TRIM39: variants seen among roughly 807,000 people sequenced by gnomAD.
The protein encoded by TRIM39 is tripartite motif containing 39.
A neutral mutation model predicts 53.6 loss-of-function variants in TRIM39; 5 were observed. That is an observed-to-expected ratio of 0.09 (90% CI 0.05 to 0.20). The LOEUF (loss-of-function observed/expected upper bound fraction) is 0.20. Ranked by LOEUF, TRIM39 falls within the 10% of genes least tolerant of loss-of-function variation. The pLI, the probability that TRIM39 is intolerant of heterozygous loss-of-function variation, is 1.00. For missense variants in TRIM39, 310 were observed against 621.0 expected, an observed-to-expected ratio of 0.50 and a Z score of 5.32; for synonymous variants, 196 against 237.6, an observed-to-expected ratio of 0.82 and a Z score of 1.61.
Position 30,342,369 on chromosome 6 carries a change from A to G in TRIM39, c.*110A>G, listed in dbSNP as rs750284859. ...GTCCACCTGGGTCCAGTCCTGAATC[A>G]TCTTGGAGAAACACCTTGGTTTCTA... On this transcript the variant is annotated 3_prime_UTR_variant, in exon 8 of 8. Transcript: ENST00000396551. This position sits in a 1 kb window ranked among gnomAD's most constrained non-coding sequence, Gnocchi z 4.7. 8.5e-7 allele frequency: 1 copy of G among 1,177,258 alleles called. No individual in the cohort carries two copies. Among genetic ancestry groups the G allele is most frequent in the Non-Finnish European group, 1.2e-6 (1 of 826,728 alleles). 72.9% of individuals were successfully genotyped at this position (1,177,258 alleles called of 1,614,324 possible).
Position 30,335,678 on chromosome 6 carries a change from G to T in TRIM39, c.550-67G>T. On this transcript the variant is annotated intron_variant, in intron 4 of 7. Coordinates refer to ENST00000396551, the Ensembl canonical transcript of TRIM39. This position sits in a 1 kb window ranked among gnomAD's most constrained non-coding sequence, Gnocchi z 4.7. ...GTCTGTGTTAATTCATACATATGGT[G>T]GGTGAGAGAAAGGCTTCCTTATACC... The T allele has an allele frequency of 6.5e-7, 1 of 1,536,466 alleles. No individual in the cohort carries two copies. Among genetic ancestry groups the T allele is most frequent in the East Asian group, 2.3e-5 (1 of 42,882 alleles).
rs1169278158 is a variant in TRIM39 at position 30,335,074 on chromosome 6, A to G, written c.550-671A>G. Among the ~76,000 whole-genome samples the G allele has an allele frequency of 6.6e-6, 1 of 152,132 alleles. No individual in the cohort carries two copies. Among genetic ancestry groups the G allele is most frequent in the East Asian group, 1.9e-4 (1 of 5,198 alleles). ...AATTAACTAGAACTTTACAGTTGAT[A>G]ATAACACAGATATCTCTGATATCTG... On this transcript the variant is annotated intron_variant, in intron 4 of 7. Transcript: ENST00000396551. The surrounding 1 kb of genome is among the most constrained non-coding windows in gnomAD (Gnocchi z 4.7).
chr6:30,338,196 CT>C lies in TRIM39; in HGVS notation c.781-1708del. ...CATTCATGTGTTCACTGGAGTAGCA[CT>C]TTTAATTTTCTTCAATAACTTTTCC... On this transcript the variant is annotated intron_variant, in intron 5 of 7. Transcript: ENST00000396551. The surrounding 1 kb of genome is among the most constrained non-coding windows in gnomAD (Gnocchi z 4.0). Among the ~76,000 whole-genome samples, 1 of 151,412 alleles carries C rather than the reference CT, an allele frequency of 6.6e-6. No homozygotes were observed. Among genetic ancestry groups the C allele is most frequent in the African/African-American group, 2.4e-5 (1 of 41,204 alleles).
chr6:30,341,014 C>A (rs918738486), intron 7 of TRIM39, among the ~76,000 whole-genome samples: 1 of 152,080 alleles, frequency 6.6e-6, no homozygotes, highest in Non-Finnish European at 1.5e-5. Context: ...TCGACATCAG[C>A]CTGGCCAACA....
chr6:30,335,795 T>G lies in TRIM39; in HGVS notation c.600T>G (p.Leu200=), dbSNP rs537592730. The G allele has an allele frequency of 1.4e-5, 23 of 1,612,900 alleles. No individual in the cohort carries two copies. In the Admixed American group the frequency reaches 1.8e-4, roughly 13 times the overall value. ...AGATCTTGAGGGAGTTTGAAGAGCT[T>G]CATAGGCGGCTGGATGAAGAGCAGC... Residue 200 remains leucine (L), a synonymous_variant, in exon 5 of 8, where the codon CTT becomes CTG. Coordinates refer to ENST00000396551, the Ensembl canonical transcript of TRIM39. This position sits in a 1 kb window ranked among gnomAD's most constrained non-coding sequence, Gnocchi z 4.7.
chr6:30,340,097 A>G (rs1005738063), intron 6 of TRIM39, among the ~76,000 whole-genome samples, 167 bp downstream of exon 6: 3 of 152,150 alleles, frequency 2.0e-5, no homozygotes, highest in African/African-American at 7.2e-5. Flanking sequence ...AGAACAAATT[A>G]TTGGGAATAA....
At position 30,340,248 on chromosome 6, in the gene TRIM39, A is replaced by G. The variant is rs1206602989; in HGVS notation, c.804-257A>G. Reference sequence around the variant, plus strand: ...AGGGGTTGGGAGAGCAGGGAGGGCAATCATCCATTTGCATGAAATACAGGA... The same window carrying G: ...AGGGGTTGGGAGAGCAGGGAGGGCAGTCATCCATTTGCATGAAATACAGGA... On this transcript the variant is annotated intron_variant, in intron 6 of 7. Transcript: ENST00000396551. The G allele has an allele frequency of 3.1e-6, 5 of 1,601,324 alleles. No individual in the cohort carries two copies. The South Asian group carries it at 3.3e-5, about 11-fold the overall frequency.
rs1469752077 is a variant in TRIM39, at chr6:30,342,808, A to G, written c.*549A>G. The G allele has an allele frequency of 6.4e-6, 1 of 155,206 alleles. No individual in the cohort carries two copies. Among genetic ancestry groups the G allele is most frequent in the Non-Finnish European group, 1.4e-5 (1 of 70,108 alleles). 9.6% of individuals were successfully genotyped at this position (155,206 alleles called of 1,614,324 possible). On this transcript the variant is annotated 3_prime_UTR_variant, in exon 8 of 8. Transcript: ENST00000396551. The surrounding 1 kb of genome is among the most constrained non-coding windows in gnomAD (Gnocchi z 4.7). ...TCAACAAGGCTAGAAGGGTCAGGGA[A>G]GTGGGCTAAAGGAACAGATTCCTAG...
chr6:30,340,188 G>A, intron 6 of TRIM39: 3 of 1,248,054 alleles, frequency 2.4e-6, no homozygotes, highest in Non-Finnish European at 3.5e-6. Flanking sequence ...TTGTGCCAGT[G>A]GGTGGAATTG....
At chr6:30,332,324 G>C (rs1415942961) in intron 4 of TRIM39, among the ~76,000 whole-genome samples, 1 of 152,156 alleles carries the variant, frequency 6.6e-6, no homozygotes, top group African/African-American at 2.4e-5. Context: ...ATAAGTAATG[G>C]CACAAAATGC....
chr6:30,329,905 A>G (rs985008451), intron 3 of TRIM39, 135 bp downstream of exon 3: 8 of 1,288,682 alleles, frequency 6.2e-6, no homozygotes, highest in Non-Finnish European at 7.3e-6. Context: ...AGGGGCACAC[A>G]GTATGTGTGA....
intron 7 of TRIM39, 64 bp downstream of exon 7, chr6:30,340,684 C>T (rs565701664): frequency 2.5e-4 from 380 of 1,515,892 alleles, no homozygotes; most frequent in Non-Finnish European, 2.4e-4. Context: ...TTAGGTCCTA[C>T]CTTATATGGG....
rs558204681 is a variant in TRIM39 at position 30,335,027 on chromosome 6, C to G, written c.550-718C>G. Among the ~76,000 whole-genome samples, 6 of 152,308 alleles carry G rather than the reference C, an allele frequency of 3.9e-5. No homozygotes were observed. In the South Asian group the frequency reaches 1.2e-3, roughly 32 times the overall value. On this transcript the variant is annotated intron_variant, in intron 4 of 7. Coordinates refer to ENST00000396551, the Ensembl canonical transcript of TRIM39. The surrounding 1 kb of genome is among the most constrained non-coding windows in gnomAD (Gnocchi z 4.7). The stretch of plus-strand genomic sequence containing the variant: ...CATGAGCCACCATGCTGAGCCTATA[C>G]TTTCCTTTTCTCGACAGATTGAATT...
chr6:30,340,712 C>G, intron 7 of TRIM39, 92 bp downstream of exon 7: 1 of 1,343,198 alleles, frequency 7.4e-7, no homozygotes, highest in Non-Finnish European at 1.0e-6. Context: ...TATCCTATGT[C>G]TCACTTTTCT....
intron 5 of TRIM39, 34 bp downstream of exon 5, chr6:30,336,009 T>C (rs1786808034): frequency 6.2e-7 from 1 of 1,611,950 alleles, no homozygotes; most frequent in Non-Finnish European, 8.5e-7. Context: ...CCCCTCAGGC[T>C]GAGTGCAGCG....
intron 4 of TRIM39, among the ~76,000 whole-genome samples, chr6:30,333,524 AT>A (rs941591285): frequency 8.2e-5 from 12 of 146,484 alleles, no homozygotes; most frequent in Admixed American, 6.8e-4. Flanking sequence ...CACCCAGCTG[AT>A]TTTTTTTTTC....
chr6:30,336,235 G>A, intron 5 of TRIM39: 1 of 709,030 alleles, frequency 1.4e-6, no homozygotes, highest in Non-Finnish European at 2.5e-6. Context: ...TTTGAAAGGA[G>A]GGAAGTCTAG....
At chr6:30,333,445 C>T (rs1390074177) in intron 4 of TRIM39, among the ~76,000 whole-genome samples, 1 of 149,654 alleles carries the variant, frequency 6.7e-6, no homozygotes, top group Non-Finnish European at 1.5e-5. Flanking sequence ...GCAAGCTCTG[C>T]CTCCCGGGTT....
At chr6:30,340,174 C>T (rs1413700548) in intron 6 of TRIM39, 1 of 1,165,204 alleles carries the variant, frequency 8.6e-7, no homozygotes. Context: ...GAATCAGATT[C>T]TACTTGTGCC....
Sources: gnomAD v4.1 joint callset for allele counts (sites outside exome capture counted in the v4.1 genomes callset) on GRCh38, gnomAD v4.1.1 for gene constraint, Gnocchi (gnomAD v3.1) non-coding constraint, MANE v1.5 for transcripts, NCBI Gene and HGNC (gene_info 2026-07-23, HGNC 2026-07-21) for gene names.